POLG: variants seen among roughly 807,000 people sequenced by gnomAD.
POLG encodes DNA polymerase gamma, catalytic subunit, also known as DNA polymerase subunit gamma-1.
POLG carries 110 observed loss-of-function variants against 155.4 expected under a neutral mutation model. The observed-to-expected ratio is 0.71, with a 90% CI of 0.61 to 0.83. The LOEUF is 0.83. Among genes scored for constraint, POLG ranks in the 40% least tolerant of loss-of-function variants. The pLI is 0.00. For synonymous variants in POLG, 701 were observed against 631.5 expected (o/e 1.11, Z -1.65); for missense variants, 1,685 against 1,627.5 (o/e 1.04, Z -0.61).
chr15:89,328,578 C>G, intron 5 of POLG, 43 bp from the exon 6 acceptor site: 5 of 1,605,856 alleles, frequency 3.1e-6, no homozygotes, highest in Non-Finnish European at 4.3e-6. Flanking sequence ...GCAGCCATCC[C>G]ATTACCACCA....
chr15:89,322,942 C>T, intron 13 of POLG, 40 bp from the exon 14 acceptor site: 2 of 1,603,954 alleles, frequency 1.2e-6, no homozygotes, highest in Non-Finnish European at 1.7e-6. Flanking sequence ...AGGCAGGTGG[C>T]AGACCCCTGG....
chr15:89,325,037 A>AGAGTGAGTGAGTGAGTGAGAGAGT (rs1355507516), intron 10 of POLG, among the ~76,000 whole-genome samples: 5 of 70,794 alleles, frequency 7.1e-5, no homozygotes, highest in African/African-American at 2.8e-4. Flanking sequence ...CTGAACCCAG[A>AGAGTGAGTGAGTGAGTGAGAGAGT]GAGTGAGTGA....
intron 21 of POLG, chr15:89,317,900 T>A (rs898337180): frequency 1.4e-4 from 49 of 356,486 alleles, no homozygotes; most frequent in African/African-American, 9.3e-4. Flanking sequence ...AAGAGGGCAA[T>A]GGGAACAATG....
At position 89,320,056 on chromosome 15, in the gene POLG, C is replaced by A. The variant is rs573108974; in HGVS notation, c.2982-706G>T. 2.6e-5 allele frequency among the ~76,000 whole-genome samples: 4 copies of A among 152,382 alleles called. No homozygotes were observed. In the South Asian group the frequency reaches 8.3e-4, roughly 32 times the overall value. On this transcript the variant is annotated intron_variant, in intron 18 of 22. Transcript: ENST00000268124. ...ACGGTATGAGCCTTACCCGACCTCA[C>A]TTTATCCACTGGACGATACTCAGCT...
chr15:89,319,970 T>C (rs934947161), intron 18 of POLG, among the ~76,000 whole-genome samples: 19 of 152,156 alleles, frequency 1.2e-4, no homozygotes, highest in Admixed American at 1.2e-3. Context: ...TGTGACACTT[T>C]CAAAGGTGTC....
At chr15:89,323,690 G>T in intron 12 of POLG, 125 bp downstream of exon 12, 1 of 889,668 alleles carries the variant, frequency 1.1e-6, no homozygotes, top group East Asian at 2.5e-5. Flanking sequence ...GCCTCCCAGG[G>T]GCAGGGTGGC....
chr15:89,316,669 GCACA>G lies in POLG; in HGVS notation c.*78_*81del, dbSNP rs2055276125. 45 of 1,300,162 alleles carry G rather than the reference GCACA, an allele frequency of 3.5e-5. No homozygotes were observed. The highest frequency in any genetic ancestry group is 2.1e-4 in the Admixed American group (12 of 58,192). The allele number at this position is 1,300,162 out of a possible 1,614,324, so 80.5% of individuals were successfully genotyped here. ...CCTTAGGCAAGCCCTTTTGCAAAAA[GCACA>G]GCTGAAAGCCTGAGTTTGGGAGCCT... On this transcript the variant is annotated 3_prime_UTR_variant, in exon 23 of 23. Transcript: ENST00000268124.
intron 2 of POLG, among the ~76,000 whole-genome samples, chr15:89,331,827 C>T (rs1046626206): frequency 6.6e-6 from 1 of 150,854 alleles, no homozygotes; most frequent in Non-Finnish European, 1.5e-5. Flanking sequence ...TGAGCCCAGG[C>T]CTTAACAGTG....
chr15:89,325,123 T>TGAGTGAGTGAGAGAGTGAGA (rs2055472866), intron 10 of POLG, among the ~76,000 whole-genome samples: 2 of 39,304 alleles, frequency 5.1e-5, no homozygotes, highest in Non-Finnish European at 9.9e-5. Flanking sequence ...AGTGAGTGAG[T>TGAGTGAGTGAGAGAGTGAGA]GAGTGAGAGA....
intron 8 of POLG, 52 bp from the exon 9 acceptor site, chr15:89,326,790 G>GGA: frequency 6.2e-7 from 1 of 1,613,032 alleles, no homozygotes; most frequent in African/African-American, 1.3e-5. Context: ...CTCTCAATAA[G>GGA]ATCTGCTCCC....
chr15:89,325,136 G>GTT (rs2055475403), intron 10 of POLG, among the ~76,000 whole-genome samples: 4 of 67,696 alleles, frequency 5.9e-5, no homozygotes, highest in Admixed American at 1.8e-4. Context: ...GTGAGAGAGT[G>GTT]AGTGAGAGAG....
rs2152059818 is a variant in POLG, at chr15:89,319,319, C to A, written c.3013G>T (p.Val1005Leu). The change falls in exon 19 of 23, where the codon GTG becomes TTG. Residue 1005 changes from valine to leucine, a missense_variant. Physicochemically the swap from Val to Leu is conservative, Grantham distance 32. This residue lies in a region of POLG where 470 missense variants were observed against 439.9 expected (regional missense o/e 1.07). Transcript: ENST00000268124. ...YRLSDEGEWL[V>L]RELNLPVDRT... ...TCCACTGGGAGGTTCAACTCCCTCA[C>A]CAGCCACTCGCCCTCATCCGACAGC... is the stretch of plus-strand genomic sequence containing the variant. 1.2e-6 allele frequency: 2 copies of A among 1,614,186 alleles called. No homozygotes were observed. The highest frequency in any genetic ancestry group is 1.7e-6 in the Non-Finnish European group (2 of 1,180,018).
At chr15:89,323,209 A>G (rs1223658716) in intron 13 of POLG, among the ~76,000 whole-genome samples, 195 bp downstream of exon 13, 2 of 152,162 alleles carry the variant, frequency 1.3e-5, no homozygotes, top group South Asian at 2.1e-4. Flanking sequence ...TTCCACCACC[A>G]TGCCCCTTGC....
At chr15:89,321,334 G>A in intron 16 of POLG, 74 bp from the exon 17 acceptor site, 1 of 1,543,800 alleles carries the variant, frequency 6.5e-7, no homozygotes, top group Non-Finnish European at 8.9e-7. Flanking sequence ...CTGAGAAAGA[G>A]CTAGAGCCTT....
intron 11 of POLG, 27 bp downstream of exon 11, chr15:89,324,080 A>T (rs1259690556): frequency 6.2e-7 from 1 of 1,613,776 alleles, no homozygotes. Context: ...CCCCTCCCCA[A>T]AGCTCAGGTT....
chr15:89,320,255 G>C (rs1029829698), intron 18 of POLG, among the ~76,000 whole-genome samples: 1 of 152,204 alleles, frequency 6.6e-6, no homozygotes, highest in Non-Finnish European at 1.5e-5. Flanking sequence ...GAACCCTGCA[G>C]AGAGTCTGCT....
At chr15:89,322,933 G>A (rs771896313) in intron 13 of POLG, 31 bp from the exon 14 acceptor site, 44 of 1,607,572 alleles carry the variant, frequency 2.7e-5, no homozygotes. Context: ...AGGGGCTGGA[G>A]GCAGGTGGCA....
intron 3 of POLG, 146 bp from the exon 4 acceptor site, chr15:89,329,256 A>C: frequency 1.4e-6 from 1 of 694,314 alleles, no homozygotes; most frequent in Non-Finnish European, 2.5e-6. Flanking sequence ...TCAACACCAA[A>C]TACAGAATCC....
At position 89,328,462 on chromosome 15, in the gene POLG, A is replaced by C. The variant is rs376895501; in HGVS notation, c.1244T>G (p.Leu415Trp). The C allele has an allele frequency of 7.4e-6, 12 of 1,612,698 alleles. No homozygotes were observed. In the African/African-American group the frequency reaches 1.3e-4, roughly 18 times the overall value. Reference protein sequence around the residue: ...EVFQQQLPLFLERCPHPVTLA... With the variant: ...EVFQQQLPLFWERCPHPVTLA... ...CACATGGGCTCCCCCTCACCTCTCC[A>C]AGAAGAGCGGTAGCTGCTGCTGGAA... is the stretch of plus-strand genomic sequence containing the variant. Residue 415 changes from leucine (L) to tryptophan (W), a missense_variant, in exon 6 of 23, where the codon TTG becomes TGG. This residue lies in a region of POLG where 1,210 missense variants were observed against 1,167.1 expected (regional missense o/e 1.04). Coordinates refer to ENST00000268124, the MANE Select transcript of POLG (RefSeq NM_002693.3).
Sources: gnomAD v4.1 joint callset for allele counts (sites outside exome capture counted in the v4.1 genomes callset) on GRCh38, gnomAD v4.1.1 for gene constraint, gnomAD v4.1.1 regional missense constraint, MANE v1.5 for transcripts, NCBI Gene and HGNC (gene_info 2026-07-23, HGNC 2026-07-21) for gene names.